The following TNFRSF8 variants were observed in gnomAD, a reference collection of about 807,000 sequenced individuals.
TNFRSF8 encodes tumor necrosis factor receptor superfamily member 8.
A neutral mutation model predicts 70.8 loss-of-function variants in TNFRSF8; 26 were observed. That is an observed-to-expected ratio of 0.37 (90% CI 0.27 to 0.51). TNFRSF8 has a LOEUF of 0.51. Ranked by LOEUF, TNFRSF8 falls within the 20% of genes least tolerant of loss-of-function variation. TNFRSF8 has a pLI of 0.94. For synonymous variants in TNFRSF8, 356 were observed against 339.2 expected (o/e 1.05, Z -0.54); for missense variants, 720 against 807.9 (o/e 0.89, Z 1.32).
At position 12,123,278 on chromosome 1, in the gene TNFRSF8, C is replaced by T. The variant is rs371369553; in HGVS notation, c.947-6C>T. 5 of 1,610,096 alleles carry T rather than the reference C, an allele frequency of 3.1e-6. No individual in the cohort carries two copies. The African/African-American group carries it at 5.3e-5, about 17-fold the overall frequency. The stretch of plus-strand genomic sequence containing the variant: ...CTGGTTCTCAGATGTTACGTCCCCT[C>T]TGCAGATATGGCTGAGAAGGACACC... On this transcript the variant is annotated splice_region_variant and splice_polypyrimidine_tract_variant and intron_variant, in intron 8 of 14. Transcript: ENST00000263932.
rs374173685 is a variant in TNFRSF8 at position 12,109,842 on chromosome 1, C to T, written c.512+186C>T. ...ATCATTTGAGGCCCTAGGGTGTGCC[C>T]AGCCCTGCCCTGAGCACATGGGAGA... On this transcript the variant is annotated intron_variant, in intron 5 of 14. Coordinates refer to ENST00000263932, the MANE Select transcript of TNFRSF8 (RefSeq NM_001243.5). This position sits in a 1 kb window ranked among gnomAD's most constrained non-coding sequence, Gnocchi z 4.4. 7.2e-5 allele frequency among the ~76,000 whole-genome samples: 11 copies of T among 152,288 alleles called. No individual in the cohort carries two copies. Among genetic ancestry groups the T allele is most frequent in the African/African-American group, 4.8e-5 (2 of 41,564 alleles).
Position 12,109,717 on chromosome 1 carries a change from C to A in TNFRSF8, c.512+61C>A. On this transcript the variant is annotated intron_variant, in intron 5 of 14. Transcript: ENST00000263932. The surrounding 1 kb of genome is among the most constrained non-coding windows in gnomAD (Gnocchi z 4.4). ...AGCTGGCTTTCAGATGAGGCTGCCC[C>A]ACCCCACAGGACGCCCATGGTACAA... The A allele has an allele frequency of 7.0e-7, 1 of 1,422,982 alleles. No individual in the cohort carries two copies. Among genetic ancestry groups the A allele is most frequent in the Non-Finnish European group, 9.9e-7 (1 of 1,011,904 alleles). 88.1% of individuals were successfully genotyped at this position (1,422,982 alleles called of 1,614,324 possible).
Position 12,123,384 on chromosome 1 carries a change from C to G in TNFRSF8, c.1040+7C>G. The G allele has an allele frequency of 6.2e-7, 1 of 1,601,702 alleles. No individual in the cohort carries two copies. Among genetic ancestry groups the G allele is most frequent in the Non-Finnish European group, 8.5e-7 (1 of 1,174,188 alleles). On this transcript the variant is annotated splice_region_variant and intron_variant, in intron 9 of 14. Coordinates refer to ENST00000263932, the MANE Select transcript of TNFRSF8 (RefSeq NM_001243.5). ...ATGGCGAGGCGCCTGCCAGGTGACT[C>G]CCCCACCCCTTCTCTCTGTTTGGCT...
At chr1:12,128,594 C>G (rs1201123) in intron 12 of TNFRSF8, among the ~76,000 whole-genome samples, 107,213 of 152,106 alleles carry the variant, frequency 0.7, 38,101 homozygotes, top group Admixed American at 0.79. Flanking sequence ...CTGGGTGAGC[C>G]GTAGGACGGG....
At chr1:12,125,896 G>A (rs1641927748) in intron 10 of TNFRSF8, 55 bp from the exon 11 acceptor site, 4 of 1,408,672 alleles carry the variant, frequency 2.8e-6, no homozygotes, top group Non-Finnish European at 4.0e-6. Flanking sequence ...TGGGGCTGGG[G>A]CTGTCTTGTG....
At chr1:12,080,429 A>G (rs1040694051) in intron 1 of TNFRSF8, 2 of 527,042 alleles carry the variant, frequency 3.8e-6, no homozygotes, top group Non-Finnish European at 7.5e-6. Context: ...CACAGTGAAT[A>G]CAAGTGTGTT....
intron 3 of TNFRSF8, among the ~76,000 whole-genome samples, chr1:12,103,276 A>G (rs990535917): frequency 3.3e-5 from 5 of 152,034 alleles, no homozygotes; most frequent in African/African-American, 1.2e-4. Flanking sequence ...AGGCAGGAGA[A>G]TCACTTGAAC....
chr1:12,068,931 G>A (rs1233793667), intron 1 of TNFRSF8, among the ~76,000 whole-genome samples: 1 of 151,648 alleles, frequency 6.6e-6, no homozygotes, highest in African/African-American at 2.4e-5. Flanking sequence ...GAGTGTAGTG[G>A]TGCGATCTCG....
intron 2 of TNFRSF8, among the ~76,000 whole-genome samples, chr1:12,091,803 G>A (rs906534098): frequency 5.3e-5 from 8 of 152,190 alleles, no homozygotes; most frequent in East Asian, 1.9e-4. Context: ...TCCCATGAAG[G>A]GGGGTCAGGG....
At chr1:12,083,692 A>G (rs979143363) in intron 1 of TNFRSF8, among the ~76,000 whole-genome samples, 1 of 152,220 alleles carries the variant, frequency 6.6e-6, no homozygotes, top group East Asian at 1.9e-4. Context: ...GTCTCAACAA[A>G]TTAAAAAAAA....
Position 12,142,885 on chromosome 1 carries a change from C to A in TNFRSF8, c.*354C>A. On this transcript the variant is annotated 3_prime_UTR_variant, in exon 15 of 15. Transcript: ENST00000263932. This position sits in a 1 kb window ranked among gnomAD's most constrained non-coding sequence, Gnocchi z 5.0. ...TGGGCATCAGACCTTAACCACCAGG[C>A]CCACAGCCCAGCGAGGGAGAGGTCG... 4.7e-6 allele frequency: 1 copy of A among 214,350 alleles called. No individual in the cohort carries two copies. Among genetic ancestry groups the A allele is most frequent in the Non-Finnish European group, 9.3e-6 (1 of 107,318 alleles). The allele number at this position is 214,350 out of a possible 1,614,324, so 13.3% of individuals were successfully genotyped here.
intron 10 of TNFRSF8, 99 bp from the exon 11 acceptor site, chr1:12,125,852 G>A: frequency 1.1e-6 from 1 of 923,236 alleles, no homozygotes; most frequent in Middle Eastern, 2.9e-4. Flanking sequence ...TAGCCATGAT[G>A]GAAGCTGTGT....
intron 1 of TNFRSF8, among the ~76,000 whole-genome samples, chr1:12,075,040 T>C (rs1435552918): frequency 1.3e-5 from 2 of 152,218 alleles, no homozygotes; most frequent in South Asian, 2.1e-4. Flanking sequence ...GTGGATCACT[T>C]GAGGTTACGA....
chr1:12,115,571 C>T lies in TNFRSF8; in HGVS notation c.794-6C>T, dbSNP rs1641712098. The T allele has an allele frequency of 3.7e-6, 6 of 1,614,164 alleles. No individual in the cohort carries two copies. The highest frequency in any genetic ancestry group is 4.2e-6 in the Non-Finnish European group (5 of 1,180,008). On this transcript the variant is annotated splice_polypyrimidine_tract_variant and splice_region_variant and intron_variant, in intron 7 of 14. Coordinates refer to ENST00000263932, the MANE Select transcript of TNFRSF8 (RefSeq NM_001243.5). The stretch of plus-strand genomic sequence containing the variant: ...TTTCTCCGTGATCCTCATCTGTGTC[C>T]CTTAGATGACCTTGTGGAGAAGACG...
chr1:12,100,202 G>A (rs988312137), intron 3 of TNFRSF8, among the ~76,000 whole-genome samples: 5 of 151,890 alleles, frequency 3.3e-5, no homozygotes, highest in Admixed American at 1.3e-4. Flanking sequence ...TAAAAAAAAT[G>A]GCACACTTGT....
chr1:12,084,582 G>C lies in TNFRSF8; in HGVS notation c.151+31G>C, dbSNP rs376830322. 4.4e-6 allele frequency: 7 copies of C among 1,599,362 alleles called. No individual in the cohort carries two copies. The African/African-American group carries it at 8.0e-5, about 18-fold the overall frequency. On this transcript the variant is annotated intron_variant, in intron 2 of 14. Transcript: ENST00000263932. ...TGGGGGCGTTGGGGGTGGGGAGAAG[G>C]GGGGAAATTTGTCCTCAATTGATGA...
intron 7 of TNFRSF8, 85 bp from the exon 8 acceptor site, chr1:12,115,492 G>A: frequency 1.4e-6 from 2 of 1,465,968 alleles, no homozygotes; most frequent in South Asian, 1.1e-5. Context: ...TTGGACAACT[G>A]CTTCTCTGTC....
intron 12 of TNFRSF8, among the ~76,000 whole-genome samples, chr1:12,133,281 C>T (rs561326256): frequency 2.0e-5 from 3 of 151,806 alleles, no homozygotes; most frequent in East Asian, 1.9e-4. Flanking sequence ...CCTTCAAGGC[C>T]GAGTTGTGTC....
In TNFRSF8 at chr1:12,138,266, C is replaced by G; in HGVS notation, c.1373C>G (p.Ala458Gly). Residue 458 changes from alanine (A) to glycine (G), a missense_variant, in exon 14 of 15, where the codon GCG (alanine) becomes GGG (glycine). Transcript: ENST00000263932. The surrounding 1 kb of genome is among the most constrained non-coding windows in gnomAD (Gnocchi z 5.7). The stretch of plus-strand genomic sequence containing the variant: ...GGTGCGTCGGTGACAGAACCCGTCG[C>G]GGAAGAGCGAGGGTTAATGAGCCAG... ...RSGASVTEPV[A>G]EERGLMSQPL... 6.2e-7 allele frequency: 1 copy of G among 1,613,502 alleles called. No individual in the cohort carries two copies. Among genetic ancestry groups the G allele is most frequent in the South Asian group, 1.1e-5 (1 of 91,076 alleles).
Sources: allele counts gnomAD v4.1 joint callset (sites outside exome capture counted in the v4.1 genomes callset), GRCh38; gene constraint gnomAD v4.1.1; non-coding constraint Gnocchi (gnomAD v3.1); transcripts MANE v1.5; gene names NCBI Gene and HGNC (gene_info 2026-07-23, HGNC 2026-07-21).